The following NETO1 variants were observed in gnomAD, a reference collection of about 807,000 sequenced individuals.
The protein encoded by NETO1 is neuropilin and tolloid like 1, also known as neuropilin and tolloid-like protein 1.
Under a neutral mutation model 61.3 loss-of-function variants are expected in NETO1, and 26 were observed. The observed-to-expected ratio is 0.42, with a 90% CI of 0.31 to 0.59. The LOEUF (loss-of-function observed/expected upper bound fraction) is 0.59, where lower values mean the gene tolerates loss of function less well. Among genes scored for constraint, NETO1 ranks in the 20% least tolerant of loss-of-function variants. The pLI, the probability that NETO1 is intolerant of heterozygous loss-of-function variation, is 0.12. For synonymous variants in NETO1, 225 were observed against 225.8 expected, an observed-to-expected ratio of 1.00 and a Z score of 0.03; for missense variants, 531 against 662.8, an observed-to-expected ratio of 0.80 and a Z score of 2.18.
At chr18:72,769,142 T>C (rs1422012678) in intron 7 of NETO1, among the ~76,000 whole-genome samples, 1 of 152,204 alleles carries the variant, frequency 6.6e-6, no homozygotes, top group Admixed American at 6.5e-5. Flanking sequence ...TAATTAGTCC[T>C]GGAATGAATC....
At position 72,750,301 on chromosome 18, in the gene NETO1, T is replaced by A. The variant is rs1204102237; in HGVS notation, c.1302A>T (p.Gly434=). 2 of 1,613,976 alleles carry A rather than the reference T, an allele frequency of 1.2e-6. No homozygotes were observed. Among genetic ancestry groups the A allele is most frequent in the East Asian group, 4.5e-5 (2 of 44,890 alleles). ...TGCCTTTAGTGCTGGACAGCTGTGA[T>A]CCACAGTGATGGTCATGAATGCATT... ...SSKCIHDHHC[G]SQLSSTKGSR... Residue 434 remains glycine (G), a synonymous_variant, in exon 9 of 11, where the codon GGA becomes GGT. Transcript: ENST00000327305.
intron 4 of NETO1, among the ~76,000 whole-genome samples, chr18:72,854,049 T>C (rs2074341292): frequency 6.6e-6 from 1 of 152,178 alleles, no homozygotes; most frequent in Non-Finnish European, 1.5e-5. Context: ...TAATAATATA[T>C]TTCATTTAAT....
intron 4 of NETO1, among the ~76,000 whole-genome samples, chr18:72,821,113 A>G (rs1252294945): frequency 6.6e-6 from 1 of 151,614 alleles, no homozygotes; most frequent in Non-Finnish European, 1.5e-5. Context: ...CAGCTCTTTC[A>G]GCTTCCTAAT....
intron 4 of NETO1, among the ~76,000 whole-genome samples, chr18:72,831,831 T>C (rs184911657): frequency 6.6e-6 from 1 of 151,780 alleles, no homozygotes; most frequent in African/African-American, 2.4e-5. Context: ...GGAAAAGCAA[T>C]GCCAGTATTT....
In NETO1 at chr18:72,867,274, G is replaced by T. The variant is rs764219808; in HGVS notation, c.18C>A (p.Ser6Arg). The T allele has an allele frequency of 6.4e-7, 1 of 1,568,670 alleles. No homozygotes were observed. The highest frequency in any genetic ancestry group is 2.4e-5 in the East Asian group (1 of 40,988). MIHGRSVLHIVASLII... is the reference protein window; with the variant it reads MIHGRRVLHIVASLII... ...GGGGAGGGTACTCACTGTGAAGCACGCTGCGCCCATGGATCATGTCTGTGC... is the reference window on the plus strand; with the variant it reads ...GGGGAGGGTACTCACTGTGAAGCACTCTGCGCCCATGGATCATGTCTGTGC... Residue 6 changes from serine (S) to arginine (R), a missense_variant, in exon 1 of 11, where the codon AGC (serine) becomes AGA (arginine). By Grantham distance (110) the Ser-to-Arg change is moderately radical. Coordinates refer to ENST00000327305, the MANE Select transcript of NETO1 (RefSeq NM_138966.5).
intron 4 of NETO1, among the ~76,000 whole-genome samples, chr18:72,851,414 C>CAAAAAAAAAA (rs570774226): frequency 0.063 from 9,358 of 148,522 alleles, 857 homozygotes; most frequent in African/African-American, 0.2. Context: ...TCCCTCAAAA[C>CAAAAAAAAAA]AAAAAAAGAA....
chr18:72,752,315 T>A (rs1199131270), intron 8 of NETO1, among the ~76,000 whole-genome samples: 1 of 152,136 alleles, frequency 6.6e-6, no homozygotes, highest in Non-Finnish European at 1.5e-5. Flanking sequence ...AGCCGGCAAT[T>A]GGTGGAGACT....
At chr18:72,863,773 C>A (rs61323865) in intron 3 of NETO1, among the ~76,000 whole-genome samples, 44,090 of 152,020 alleles carry the variant, frequency 0.29, 7,038 homozygotes, top group East Asian at 0.68. Flanking sequence ...GAAAGTGCAT[C>A]TATCTTTATC....
intron 4 of NETO1, among the ~76,000 whole-genome samples, chr18:72,807,878 G>A (rs898028581): frequency 1.3e-5 from 2 of 152,094 alleles, no homozygotes; most frequent in Non-Finnish European, 2.9e-5. Context: ...GGCAACCAGG[G>A]ACGCTCTTGA....
chr18:72,752,644 A>T (rs2070660940), intron 8 of NETO1, among the ~76,000 whole-genome samples: 1 of 152,162 alleles, frequency 6.6e-6, no homozygotes, highest in African/African-American at 2.4e-5. Context: ...TATATAGGAA[A>T]AAAAAAAGCA....
chr18:72,786,978 A>G (rs948674190), intron 6 of NETO1, among the ~76,000 whole-genome samples: 5 of 151,412 alleles, frequency 3.3e-5, no homozygotes, highest in African/African-American at 7.3e-5. Context: ...CTCCAGGATC[A>G]TAAGTGAATT....
At chr18:72,826,245 CTTCA>C (rs1363708304) in intron 4 of NETO1, among the ~76,000 whole-genome samples, 1 of 152,100 alleles carries the variant, frequency 6.6e-6, no homozygotes, top group Non-Finnish European at 1.5e-5. Flanking sequence ...CAGTTACTCC[CTTCA>C]TTATTATTAA....
chr18:72,772,361 A>G (rs66894524), intron 7 of NETO1, among the ~76,000 whole-genome samples: 50,093 of 151,874 alleles, frequency 0.33, 8,737 homozygotes, highest in South Asian at 0.48. Flanking sequence ...CCATGACCCC[A>G]TGACATAAAG....
intron 4 of NETO1, among the ~76,000 whole-genome samples, chr18:72,796,569 C>G (rs1012930775): frequency 6.6e-6 from 1 of 152,040 alleles, no homozygotes; most frequent in Non-Finnish European, 1.5e-5. Flanking sequence ...CTTCACCTCC[C>G]AGGTTCACAC....
At chr18:72,778,336 A>G (rs2071627161) in intron 7 of NETO1, among the ~76,000 whole-genome samples, 1 of 152,134 alleles carries the variant, frequency 6.6e-6, no homozygotes, top group Non-Finnish European at 1.5e-5. Flanking sequence ...GTTTTCTTGT[A>G]AGCATGTTTT....
intron 1 of NETO1, chr18:72,867,049 C>A (rs1051346193): frequency 2.1e-6 from 1 of 466,954 alleles, no homozygotes; most frequent in South Asian, 4.6e-5. Flanking sequence ...CGTTCTCCGG[C>A]AGGTTTTGGG....
intron 6 of NETO1, among the ~76,000 whole-genome samples, chr18:72,785,735 C>A (rs1322228945): frequency 3.3e-5 from 5 of 152,184 alleles, no homozygotes; most frequent in Non-Finnish European, 7.3e-5. Flanking sequence ...TTACATCCTT[C>A]TTATCTCCCA....
intron 7 of NETO1, among the ~76,000 whole-genome samples, chr18:72,780,988 G>T (rs1276042351): frequency 6.6e-6 from 1 of 152,032 alleles, no homozygotes; most frequent in African/African-American, 2.4e-5. Context: ...ACAGGCTAAT[G>T]TTGTTTAAGA....
intron 7 of NETO1, among the ~76,000 whole-genome samples, chr18:72,778,191 G>A (rs1183438617): frequency 1.3e-5 from 2 of 152,162 alleles, no homozygotes; most frequent in African/African-American, 4.8e-5. Context: ...GAGCTGAGAT[G>A]AGAGGCAGGC....
Sources: gnomAD v4.1 joint callset for allele counts (sites outside exome capture counted in the v4.1 genomes callset) on GRCh38, gnomAD v4.1.1 for gene constraint, MANE v1.5 for transcripts, NCBI Gene and HGNC (gene_info 2026-07-23, HGNC 2026-07-21) for gene names.